Variants in MAP3K13 observed in about 807,000 individuals in gnomAD.
The protein encoded by MAP3K13 is mitogen-activated protein kinase kinase kinase 13.
Under a neutral mutation model 104.0 loss-of-function variants are expected in MAP3K13, and 52 were observed. The observed-to-expected ratio is 0.50, with a 90% confidence interval of 0.40 to 0.63. MAP3K13 has a LOEUF of 0.63. Ranked by LOEUF, MAP3K13 falls within the 20% of genes least tolerant of loss-of-function variation. The probability of loss-of-function intolerance (pLI) is 0.00; values close to 1 mark genes in which losing one functional copy is unlikely to be tolerated. For missense variants in MAP3K13, 914 were observed against 1,218.5 expected, an observed-to-expected ratio of 0.75 and a Z score of 3.72; for synonymous variants, 394 against 442.2, an observed-to-expected ratio of 0.89 and a Z score of 1.37.
chr3:185,343,431 G>A (rs1038477640), intron 2 of MAP3K13, among the ~76,000 whole-genome samples: 9 of 152,010 alleles, frequency 5.9e-5, no homozygotes, highest in African/African-American at 2.2e-4. Context: ...TGCTGCAAAC[G>A]GACGACTCTC....
intron 2 of MAP3K13, among the ~76,000 whole-genome samples, chr3:185,430,064 G>A (rs1714657436): frequency 1.3e-5 from 2 of 152,082 alleles, no homozygotes; most frequent in Non-Finnish European, 2.9e-5. Flanking sequence ...GCTGGGCATG[G>A]TGGTGTGCAC....
intron 1 of MAP3K13, chr3:185,417,394 T>G: frequency 8.2e-7 from 1 of 1,221,820 alleles, no homozygotes; most frequent in Non-Finnish European, 1.1e-6. Context: ...TTTCTTTTCT[T>G]TTCTTTTCTT....
At chr3:185,421,885 A>G (rs868167745) in intron 1 of MAP3K13, among the ~76,000 whole-genome samples, 2 of 152,232 alleles carry the variant, frequency 1.3e-5, no homozygotes, top group African/African-American at 4.8e-5. Context: ...ATGTAGAGTC[A>G]GCTCTGATCA....
chr3:185,327,817 C>T (rs981055041), intron 2 of MAP3K13, among the ~76,000 whole-genome samples: 1 of 151,992 alleles, frequency 6.6e-6, no homozygotes, highest in African/African-American at 2.4e-5. Flanking sequence ...GAGGCTGAGG[C>T]AGGAGAATCC....
At chr3:185,376,180 T>A (rs1001303610) in intron 1 of MAP3K13, among the ~76,000 whole-genome samples, 1 of 152,032 alleles carries the variant, frequency 6.6e-6, no homozygotes, top group African/African-American at 2.4e-5. Flanking sequence ...AGGTGTGGTA[T>A]CCAGAATAAT....
At chr3:185,387,680 A>G (rs1288915099) in intron 1 of MAP3K13, among the ~76,000 whole-genome samples, 1 of 152,160 alleles carries the variant, frequency 6.6e-6, no homozygotes, top group Non-Finnish European at 1.5e-5. Context: ...TCAACATAAT[A>G]AAGACCACAT....
At chr3:185,374,872 T>C (rs1724350262) in intron 1 of MAP3K13, among the ~76,000 whole-genome samples, 1 of 151,784 alleles carries the variant, frequency 6.6e-6, no homozygotes, top group South Asian at 2.1e-4. Flanking sequence ...AGATTGATAG[T>C]GTGGTGGAGA....
At chr3:185,437,763 GGT>G in intron 3 of MAP3K13, 133 bp downstream of exon 3, 1 of 819,000 alleles carries the variant, frequency 1.2e-6, no homozygotes, top group Non-Finnish European at 1.8e-6. Flanking sequence ...GCTTTGGGAG[GGT>G]ATCAAGGAAC....
intron 2 of MAP3K13, among the ~76,000 whole-genome samples, chr3:185,350,717 A>G (rs1723109843): frequency 6.6e-6 from 1 of 152,246 alleles, no homozygotes; most frequent in Non-Finnish European, 1.5e-5. Flanking sequence ...TCAAAAAATA[A>G]CAGATGCTGG....
At chr3:185,391,164 A>G (rs1712030444) in intron 1 of MAP3K13, among the ~76,000 whole-genome samples, 1 of 152,160 alleles carries the variant, frequency 6.6e-6, no homozygotes, top group Non-Finnish European at 1.5e-5. Context: ...ACTGCCATCC[A>G]TCCACAGAAC....
intron 2 of MAP3K13, among the ~76,000 whole-genome samples, chr3:185,355,657 A>C (rs1723323713): frequency 6.6e-6 from 1 of 152,140 alleles, no homozygotes; most frequent in Admixed American, 6.5e-5. Flanking sequence ...CAAACAAACA[A>C]AAAGCAAAGA....
At chr3:185,306,583 A>T (rs1721293785) in intron 2 of MAP3K13, among the ~76,000 whole-genome samples, 1 of 152,126 alleles carries the variant, frequency 6.6e-6, no homozygotes, top group African/African-American at 2.4e-5. Flanking sequence ...TCTTGTTTTG[A>T]GAAGTGTCTG....
chr3:185,329,015 T>C (rs1722142871), intron 2 of MAP3K13: 2 of 485,104 alleles, frequency 4.1e-6, no homozygotes, highest in South Asian at 4.0e-5. Context: ...ATAAAAAGGA[T>C]TGTAAGAATA....
intron 1 of MAP3K13, among the ~76,000 whole-genome samples, chr3:185,407,386 G>A (rs1445521782): frequency 6.6e-6 from 1 of 152,134 alleles, no homozygotes; most frequent in Non-Finnish European, 1.5e-5. Flanking sequence ...GGGTACCTCT[G>A]TCTCAAATGG....
chr3:185,455,842 T>C (rs1190234165), intron 7 of MAP3K13, among the ~76,000 whole-genome samples: 1 of 107,156 alleles, frequency 9.3e-6, no homozygotes, highest in Non-Finnish European at 1.9e-5. Flanking sequence ...GATATATATA[T>C]GAGATATATA....
At chr3:185,380,959 GT>G (rs542853065) in intron 1 of MAP3K13, among the ~76,000 whole-genome samples, 8 of 113,678 alleles carry the variant, frequency 7.0e-5, no homozygotes, top group African/African-American at 1.8e-4. Context: ...TTTTTTTTTT[GT>G]TTTTTTTTGT....
chr3:185,439,355 A>G (rs936510087), intron 3 of MAP3K13, among the ~76,000 whole-genome samples: 1 of 152,128 alleles, frequency 6.6e-6, no homozygotes, highest in Non-Finnish European at 1.5e-5. Context: ...GAAATGCTGC[A>G]GAGACCAATT....
At chr3:185,390,481 C>T (rs78929461) in intron 1 of MAP3K13, among the ~76,000 whole-genome samples, 8 of 152,164 alleles carry the variant, frequency 5.3e-5, no homozygotes, top group East Asian at 3.9e-4. Flanking sequence ...TTAAAGGCTA[C>T]GCAAAGATGG....
chr3:185,484,938 TG>T lies in MAP3K13; in HGVS notation c.*2484del, dbSNP rs924702993. The T allele has an allele frequency of 2.0e-5, 3 of 152,170 alleles. No homozygotes were observed. The highest frequency in any genetic ancestry group is 4.4e-5 in the Non-Finnish European group (3 of 68,022). 9.4% of individuals were successfully genotyped at this position (152,170 alleles called of 1,614,324 possible). On this transcript the variant is annotated 3_prime_UTR_variant, in exon 14 of 14. Coordinates refer to ENST00000265026, the MANE Select transcript of MAP3K13 (RefSeq NM_004721.5). ...ATGGAATTCCCATTTGGGAGCTCCC[TG>T]GTATTGATCTTAGCTGTGTTCCCTA...
Sources: gnomAD v4.1 joint callset for allele counts (sites outside exome capture counted in the v4.1 genomes callset) on GRCh38, gnomAD v4.1.1 for gene constraint, MANE v1.5 for transcripts, NCBI Gene and HGNC (gene_info 2026-07-23, HGNC 2026-07-21) for gene names.